The following FHOD3 variants were observed in gnomAD, a reference collection of about 807,000 sequenced individuals.
The protein encoded by FHOD3 is FH1/FH2 domain-containing protein 3.
A neutral mutation model predicts 173.0 loss-of-function variants in FHOD3; 90 were observed. The ratio of observed to expected loss-of-function variants is 0.52; its 90% CI spans 0.44 to 0.62. The LOEUF (loss-of-function observed/expected upper bound fraction) is 0.62, where lower values mean the gene tolerates loss of function less well. Ranked by LOEUF, FHOD3 falls within the 20% of genes least tolerant of loss-of-function variation. The probability of loss-of-function intolerance (pLI) is 0.00; values close to 1 mark genes in which losing one functional copy is unlikely to be tolerated. For missense variants in FHOD3, 1,945 were observed against 2,034.7 expected, an observed-to-expected ratio of 0.96 and a Z score of 0.85; for synonymous variants, 828 against 823.0, an observed-to-expected ratio of 1.01 and a Z score of -0.10.
intron 3 of FHOD3, among the ~76,000 whole-genome samples, chr18:36,413,278 G>A (rs114270185): frequency 0.01 from 1,543 of 152,318 alleles, 20 homozygotes; most frequent in African/African-American, 0.035. Context: ...TTCCGGGTGC[G>A]CAGCTCAGCC....
chr18:36,761,650 C>G (rs1157392468), intron 27 of FHOD3, among the ~76,000 whole-genome samples: 1 of 152,120 alleles, frequency 6.6e-6, no homozygotes, highest in Non-Finnish European at 1.5e-5. Context: ...CGTTCCCATT[C>G]ACCTCATCCT....
intron 2 of FHOD3, among the ~76,000 whole-genome samples, chr18:36,371,998 C>T (rs114819068): frequency 2.0e-5 from 3 of 152,140 alleles, no homozygotes; most frequent in Admixed American, 1.3e-4. Context: ...CCAACTGCTC[C>T]GTGCTTTGGT....
At chr18:36,609,320 G>C (rs2032416483) in intron 8 of FHOD3, among the ~76,000 whole-genome samples, 1 of 151,608 alleles carries the variant, frequency 6.6e-6, no homozygotes. Context: ...GGGACAGGTG[G>C]AAGTGTGGTA....
chr18:36,370,562 G>A (rs1343384462), intron 2 of FHOD3, among the ~76,000 whole-genome samples: 2 of 152,132 alleles, frequency 1.3e-5, no homozygotes, highest in Non-Finnish European at 1.5e-5. Flanking sequence ...CAACTTTGCA[G>A]TTGTTTGAAG....
intron 1 of FHOD3, among the ~76,000 whole-genome samples, chr18:36,352,081 GA>G (rs2145700613): frequency 6.6e-6 from 1 of 152,064 alleles, no homozygotes; most frequent in African/African-American, 2.4e-5. Flanking sequence ...AAATTCTCAG[GA>G]ATTTCGTGAG....
intron 3 of FHOD3, among the ~76,000 whole-genome samples, chr18:36,432,307 T>C (rs2050590828): frequency 6.6e-6 from 1 of 151,930 alleles, no homozygotes; most frequent in Admixed American, 6.6e-5. Context: ...GCTCTTTATT[T>C]AAAAAAAAAT....
chr18:36,338,057 G>T (rs1019962308), intron 1 of FHOD3, among the ~76,000 whole-genome samples: 3 of 152,176 alleles, frequency 2.0e-5, no homozygotes, highest in African/African-American at 7.2e-5. Context: ...CTAAGGGAAC[G>T]GAGTAGAGTC....
chr18:36,564,735 G>A (rs574633443), intron 5 of FHOD3, among the ~76,000 whole-genome samples: 16 of 152,068 alleles, frequency 1.1e-4, no homozygotes, highest in South Asian at 4.1e-4. Flanking sequence ...GAGGGGAGAC[G>A]GGCCCTCCCT....
intron 3 of FHOD3, among the ~76,000 whole-genome samples, chr18:36,473,754 T>C (rs1375778566): frequency 1.3e-5 from 2 of 152,238 alleles, no homozygotes; most frequent in Non-Finnish European, 2.9e-5. Flanking sequence ...TTTCACATCA[T>C]CTTTCATCAT....
intron 1 of FHOD3, among the ~76,000 whole-genome samples, chr18:36,352,896 A>G (rs143867847): frequency 1.1e-4 from 17 of 152,356 alleles, no homozygotes; most frequent in South Asian, 4.2e-4. Flanking sequence ...AATGATTACA[A>G]CCAGACACAT....
At chr18:36,415,531 G>A (rs1014084660) in intron 3 of FHOD3, among the ~76,000 whole-genome samples, 1 of 152,286 alleles carries the variant, frequency 6.6e-6, no homozygotes, top group East Asian at 1.9e-4. Context: ...TACATGATTT[G>A]GTCTGTCACT....
chr18:36,613,742 C>T (rs1426812326), intron 9 of FHOD3, among the ~76,000 whole-genome samples: 1 of 152,084 alleles, frequency 6.6e-6, no homozygotes, highest in Non-Finnish European at 1.5e-5. Context: ...GGCGCGATCT[C>T]GGCTCACTGC....
At chr18:36,402,358 A>G (rs764414760) in intron 3 of FHOD3, among the ~76,000 whole-genome samples, 3 of 152,148 alleles carry the variant, frequency 2.0e-5, no homozygotes, top group African/African-American at 4.8e-5. Flanking sequence ...TATCCCTTAT[A>G]TACACACATA....
intron 3 of FHOD3, among the ~76,000 whole-genome samples, chr18:36,412,667 A>G (rs2049416624): frequency 6.6e-6 from 1 of 152,238 alleles, no homozygotes; most frequent in South Asian, 2.1e-4. Flanking sequence ...ATTTTATAAA[A>G]GTCATAATAC....
intron 5 of FHOD3, among the ~76,000 whole-genome samples, chr18:36,536,442 C>T (rs766633225): frequency 1.2e-4 from 19 of 152,346 alleles, no homozygotes; most frequent in Non-Finnish European, 2.1e-4. Flanking sequence ...AAGTCAGCGC[C>T]CGCTGTGCCC....
intron 5 of FHOD3, among the ~76,000 whole-genome samples, chr18:36,541,495 C>T (rs2057218337): frequency 6.6e-6 from 1 of 152,022 alleles, no homozygotes; most frequent in South Asian, 2.1e-4. Context: ...CCTGTCACTG[C>T]TCCAGCCTGG....
At position 36,325,702 on chromosome 18, in the gene FHOD3, T is replaced by A. The variant is rs142451163; in HGVS notation, c.165+27702T>A. 2.4e-4 allele frequency among the ~76,000 whole-genome samples: 37 copies of A among 152,328 alleles called. No homozygotes were observed. In the East Asian group the frequency reaches 6.9e-3, roughly 29 times the overall value. On this transcript the variant is annotated intron_variant, in intron 1 of 28. Coordinates refer to ENST00000590592, the MANE Select transcript of FHOD3 (RefSeq NM_001281740.3). ...TTTCCTCTCTCTTTCTCCTTCTCTT[T>A]CTTCCCTCTCTTTTCTTCTTACTCT...
Position 36,729,149 on chromosome 18 carries a change from G to T in FHOD3, c.3418-1497G>T, listed in dbSNP as rs184643363. ...AGCTCCCTCAACAACAGAGGGTGCA[G>T]CACACCCCATTACTGTGCTGAATGT... On this transcript the variant is annotated intron_variant, in intron 19 of 28. Transcript: ENST00000590592. Among the ~76,000 whole-genome samples the T allele has an allele frequency of 8.5e-5, 13 of 152,316 alleles. No homozygotes were observed. In the East Asian group the frequency reaches 2.5e-3, roughly 29 times the overall value.
chr18:36,469,132 G>A (rs1480735572), intron 3 of FHOD3, among the ~76,000 whole-genome samples: 1 of 151,988 alleles, frequency 6.6e-6, no homozygotes, highest in Non-Finnish European at 1.5e-5. Flanking sequence ...TGAGAACAGG[G>A]GTGTAATTTT....
Sources: gnomAD v4.1 joint callset for allele counts (sites outside exome capture counted in the v4.1 genomes callset) on GRCh38, gnomAD v4.1.1 for gene constraint, MANE v1.5 for transcripts, NCBI Gene and HGNC (gene_info 2026-07-23, HGNC 2026-07-21) for gene names.